Variants in COL21A1 observed in about 807,000 individuals in gnomAD.
COL21A1 encodes collagen alpha-1(XXI) chain.
In COL21A1, 149 loss-of-function variants were observed where a neutral mutation model predicts 137.9. That is an observed-to-expected ratio of 1.08 (90% CI 0.95 to 1.24). The LOEUF (loss-of-function observed/expected upper bound fraction) is 1.24, where lower values mean the gene tolerates loss of function less well. Ranked by LOEUF, COL21A1 falls within the 50% of genes most tolerant of loss-of-function variation. The pLI is 0.00. For missense variants in COL21A1, 1,167 were observed against 1,158.4 expected, an observed-to-expected ratio of 1.01 and a Z score of -0.11; for synonymous variants, 456 against 391.5, an observed-to-expected ratio of 1.16 and a Z score of -1.95.
intron 1 of COL21A1, among the ~76,000 whole-genome samples, chr6:56,324,098 A>G (rs1054728397): frequency 1.3e-5 from 2 of 152,136 alleles, no homozygotes; most frequent in African/African-American, 4.8e-5. Context: ...AAATAAAAGT[A>G]TGGCACAGAG....
intron 10 of COL21A1, 41 bp downstream of exon 10, chr6:56,156,846 A>G (rs1235474344): frequency 6.6e-7 from 1 of 1,524,328 alleles, no homozygotes; most frequent in Non-Finnish European, 9.0e-7. Context: ...TGACACTGTA[A>G]TCCCAGATAT....
chr6:56,273,325 G>T (rs950076513), intron 1 of COL21A1, among the ~76,000 whole-genome samples: 17 of 151,598 alleles, frequency 1.1e-4, no homozygotes, highest in African/African-American at 3.9e-4. Flanking sequence ...GCACTTACAA[G>T]AACTAGAAAA....
At chr6:56,078,880 A>G (rs1767482458) in intron 17 of COL21A1, among the ~76,000 whole-genome samples, 1 of 148,430 alleles carries the variant, frequency 6.7e-6, no homozygotes, top group African/African-American at 2.5e-5. Context: ...AGTAGAGAAT[A>G]ATATGAAAAC....
chr6:56,068,857 T>A, intron 22 of COL21A1, 189 bp downstream of exon 22: 2 of 501,156 alleles, frequency 4.0e-6, no homozygotes, highest in South Asian at 5.7e-5. Flanking sequence ...ACAATACCCA[T>A]GTGGGTATAT....
intron 20 of COL21A1, 36 bp downstream of exon 20, chr6:56,074,196 C>A: frequency 6.7e-7 from 1 of 1,490,834 alleles, no homozygotes; most frequent in Non-Finnish European, 9.1e-7. Flanking sequence ...TGTGATTATA[C>A]AAAGTTCCCA....
chr6:56,382,837 T>C (rs1442341180), intron 1 of COL21A1, among the ~76,000 whole-genome samples: 1 of 152,200 alleles, frequency 6.6e-6, no homozygotes, highest in South Asian at 2.1e-4. Flanking sequence ...TGGTATTTTG[T>C]TATGGCAGCC....
At chr6:56,315,121 T>C (rs1764702727) in intron 1 of COL21A1, among the ~76,000 whole-genome samples, 1 of 152,234 alleles carries the variant, frequency 6.6e-6, no homozygotes, top group African/African-American at 2.4e-5. Flanking sequence ...AAATAACTAA[T>C]TGACTTTCTC....
At chr6:56,317,897 A>G (rs1764776220) in intron 1 of COL21A1, among the ~76,000 whole-genome samples, 1 of 152,130 alleles carries the variant, frequency 6.6e-6, no homozygotes, top group African/African-American at 2.4e-5. Flanking sequence ...AGAATAGTCT[A>G]TTTACAATTT....
rs777007356 is a variant in COL21A1, at chr6:56,156,883, T to G, written c.1434+4A>C. On this transcript the variant is annotated splice_donor_region_variant and intron_variant, in intron 10 of 29. Transcript: ENST00000244728. ...CCGGAGATGACTAAGCTTTCAGTAC[T>G]CACAGGCTTACCATCTTGACCAGGT... The G allele has an allele frequency of 1.9e-6, 3 of 1,609,994 alleles. No individual in the cohort carries two copies. Among genetic ancestry groups the G allele is most frequent in the South Asian group, 1.1e-5 (1 of 90,208 alleles).
At chr6:56,334,625 G>T (rs1049642699) in intron 1 of COL21A1, among the ~76,000 whole-genome samples, 2 of 152,118 alleles carry the variant, frequency 1.3e-5, no homozygotes, top group African/African-American at 4.8e-5. Context: ...GTAAATTATA[G>T]GATCTGTTCC....
chr6:56,173,906 C>A (rs910507344), intron 3 of COL21A1, among the ~76,000 whole-genome samples: 6 of 152,060 alleles, frequency 3.9e-5, no homozygotes, highest in Non-Finnish European at 4.4e-5. Context: ...CCTTCAATTG[C>A]ACATGAAACA....
chr6:56,281,493 G>A (rs1290336791), intron 1 of COL21A1, among the ~76,000 whole-genome samples: 3 of 152,064 alleles, frequency 2.0e-5, no homozygotes, highest in Non-Finnish European at 4.4e-5. Context: ...AGCAGAAAAT[G>A]TTCCATGAGA....
At chr6:56,132,760 C>A (rs977257849) in intron 12 of COL21A1, among the ~76,000 whole-genome samples, 3 of 152,092 alleles carry the variant, frequency 2.0e-5, no homozygotes, top group African/African-American at 7.2e-5. Context: ...GTAATTGAAT[C>A]ATAGGGGCGG....
At chr6:56,270,250 C>A (rs1186865330) in intron 1 of COL21A1, among the ~76,000 whole-genome samples, 7 of 152,130 alleles carry the variant, frequency 4.6e-5, no homozygotes, top group Non-Finnish European at 8.8e-5. Context: ...AAAACAAAAA[C>A]GGAGCAGAGA....
At position 56,171,024 on chromosome 6, in the gene COL21A1, G is replaced by C. The variant is rs777949556; in HGVS notation, c.745C>G (p.Leu249Val). Residue 249 changes from leucine to valine, a missense_variant, in exon 4 of 30, where the codon CTT (leucine) becomes GTT (valine). Physicochemically the swap from Leu to Val is conservative, Grantham distance 32. Transcript: ENST00000244728. ...VNKKVKKRIQ[L>V]SPKKIKGYEV... ...TATCCTTTTATCTTTTTTGGTGAAAGCTGTATTCTTTTCTTAACCTTTTTA... is the reference window on the plus strand; with the variant it reads ...TATCCTTTTATCTTTTTTGGTGAAACCTGTATTCTTTTCTTAACCTTTTTA... 1.2e-6 allele frequency: 2 copies of C among 1,607,108 alleles called. No individual in the cohort carries two copies. Among genetic ancestry groups the C allele is most frequent in the South Asian group, 1.1e-5 (1 of 89,456 alleles).
At chr6:56,117,778 G>T (rs1191369093) in intron 16 of COL21A1, among the ~76,000 whole-genome samples, 1 of 151,830 alleles carries the variant, frequency 6.6e-6, no homozygotes. Flanking sequence ...ATAACAAGAG[G>T]TATTTTGGAA....
At chr6:56,251,817 T>A (rs1306641923), upstream of COL21A1, among the ~76,000 whole-genome samples, 1 of 152,302 alleles carries the variant, frequency 6.6e-6, no homozygotes, top group African/African-American at 2.4e-5. Flanking sequence ...AATATGACAA[T>A]GTCCTCACTT....
intron 1 of COL21A1, among the ~76,000 whole-genome samples, chr6:56,324,077 A>G (rs570868339): frequency 1.3e-5 from 2 of 152,128 alleles, no homozygotes; most frequent in Non-Finnish European, 2.9e-5. Flanking sequence ...TCACAGAAAC[A>G]CAGATGTAGG....
intron 12 of COL21A1, among the ~76,000 whole-genome samples, chr6:56,132,428 G>C (rs1424188789): frequency 6.6e-6 from 1 of 152,078 alleles, no homozygotes; most frequent in African/African-American, 2.4e-5. Context: ...AGAATAATGA[G>C]GAAGGATTAG....
Sources: allele counts gnomAD v4.1 joint callset (sites outside exome capture counted in the v4.1 genomes callset), GRCh38; gene constraint gnomAD v4.1.1; transcripts MANE v1.5; gene names NCBI Gene and HGNC (gene_info 2026-07-23, HGNC 2026-07-21).